TXNDC16: variants seen among roughly 807,000 people sequenced by gnomAD.
TXNDC16 encodes the protein thioredoxin domain-containing protein 16.
Under a neutral mutation model 85.6 loss-of-function variants are expected in TXNDC16, and 74 were observed. The ratio of observed to expected loss-of-function variants is 0.86; its 90% confidence interval spans 0.72 to 1.05. The LOEUF (loss-of-function observed/expected upper bound fraction) is 1.05. Ranked by LOEUF, TXNDC16 falls within the 50% of genes least tolerant of loss-of-function variation. The pLI is 0.00. For synonymous variants in TXNDC16, 335 were observed against 326.5 expected (o/e 1.03, Z -0.28); for missense variants, 959 against 947.0 (o/e 1.01, Z -0.17).
rs1035578281 is a variant in TXNDC16, at chr14:52,493,213, A to AT, written c.757-2209dup. Among the ~76,000 whole-genome samples the AT allele has an allele frequency of 2.6e-5, 3 of 113,394 alleles. 1 individual carries two copies. The highest frequency in any genetic ancestry group is 9.7e-5 in the African/African-American group (3 of 30,832). The allele number at this position is 113,394 out of a possible 152,430, so 74.4% of individuals were successfully genotyped here. A position where few individuals can be genotyped will look rare whatever the true frequency, so the allele number is the denominator to read the frequency against. On this transcript the variant is annotated intron_variant, in intron 9 of 20. Coordinates refer to ENST00000281741, the MANE Select transcript of TXNDC16 (RefSeq NM_020784.3). ...CTGTTCTATATATATATATATATAT[A>AT]TATACACACACACACACACACATAT... is the stretch of plus-strand genomic sequence containing the variant.
At chr14:52,457,265 C>T (rs2035556614) in intron 16 of TXNDC16, 91 bp from the exon 17 acceptor site, 1 of 640,366 alleles carries the variant, frequency 1.6e-6, no homozygotes, top group South Asian at 2.6e-5. Context: ...GGTAGTATTT[C>T]ATTATTAATT....
chr14:52,487,222 A>G (rs1274329322), intron 12 of TXNDC16, among the ~76,000 whole-genome samples: 1 of 152,176 alleles, frequency 6.6e-6, no homozygotes, highest in African/African-American at 2.4e-5. Context: ...CCCACTGAGA[A>G]CTCCAGAGAG....
chr14:52,506,890 C>T (rs1203681330), intron 9 of TXNDC16, among the ~76,000 whole-genome samples: 1 of 150,848 alleles, frequency 6.6e-6, no homozygotes, highest in Admixed American at 6.6e-5. Flanking sequence ...CTCTCAACAA[C>T]TTAGGTATTG....
chr14:52,439,063 C>A, intron 20 of TXNDC16, 141 bp downstream of exon 20: 1 of 864,878 alleles, frequency 1.2e-6, no homozygotes. Context: ...CACCTTTGGC[C>A]TCCCAGTCAG....
At chr14:52,439,461 C>A in intron 19 of TXNDC16, 67 bp from the exon 20 acceptor site, 1 of 1,409,160 alleles carries the variant, frequency 7.1e-7, no homozygotes, top group South Asian at 1.3e-5. Context: ...AATAGTAATT[C>A]GTAGAACATT....
intron 9 of TXNDC16, among the ~76,000 whole-genome samples, chr14:52,496,897 C>A (rs2036546247): frequency 6.6e-6 from 1 of 152,118 alleles, no homozygotes; most frequent in Non-Finnish European, 1.5e-5. Flanking sequence ...AGGCGGGAAC[C>A]ACTGCACGCA....
intron 9 of TXNDC16, among the ~76,000 whole-genome samples, chr14:52,508,996 G>T (rs1201135762): frequency 6.6e-6 from 1 of 152,074 alleles, no homozygotes; most frequent in Middle Eastern, 3.2e-3. Flanking sequence ...CATGGCACAT[G>T]TATATATATG....
chr14:52,540,959 G>A (rs1039978279), intron 4 of TXNDC16, among the ~76,000 whole-genome samples: 1 of 152,160 alleles, frequency 6.6e-6, no homozygotes, highest in Non-Finnish European at 1.5e-5. Flanking sequence ...TTTCAGGCCG[G>A]GTGCAGTGGC....
At chr14:52,441,017 G>T (rs2035152647) in intron 18 of TXNDC16, among the ~76,000 whole-genome samples, 1 of 152,112 alleles carries the variant, frequency 6.6e-6, no homozygotes, top group Non-Finnish European at 1.5e-5. Context: ...AATTTATTAT[G>T]CTAAAGTCTG....
In TXNDC16 at chr14:52,552,326, C is replaced by A. The variant is rs2038074413; in HGVS notation, c.-192G>T. 6.6e-6 allele frequency: 1 copy of A among 152,370 alleles called. No homozygotes were observed. The allele number at this position is 152,370 out of a possible 1,614,324, so 9.4% of individuals were successfully genotyped here. On this transcript the variant is annotated 5_prime_UTR_variant, in exon 1 of 21. Coordinates refer to ENST00000281741, the MANE Select transcript of TXNDC16 (RefSeq NM_020784.3). ...AGCGCTGTCACCTACCTGCCCGGGA[C>A]CTGCGGGCGGGGACCTGGGCCGTTC...
intron 16 of TXNDC16, among the ~76,000 whole-genome samples, chr14:52,466,852 G>GC (rs2140128041): frequency 6.6e-6 from 1 of 151,988 alleles, no homozygotes; most frequent in South Asian, 2.1e-4. Context: ...GGGTGACAGA[G>GC]CAAGACTCCA....
intron 3 of TXNDC16, among the ~76,000 whole-genome samples, chr14:52,542,756 C>A (rs907211000): frequency 6.6e-6 from 1 of 152,086 alleles, no homozygotes; most frequent in African/African-American, 2.4e-5. Context: ...ATACCATATA[C>A]ACAACACACA....
intron 2 of TXNDC16, among the ~76,000 whole-genome samples, chr14:52,543,866 G>C (rs1407123029): frequency 6.6e-6 from 1 of 152,106 alleles, no homozygotes; most frequent in Non-Finnish European, 1.5e-5. Flanking sequence ...CAATTTAGTA[G>C]AGTGTGTTAA....
intron 18 of TXNDC16, among the ~76,000 whole-genome samples, chr14:52,448,525 C>T (rs2035335798): frequency 6.6e-6 from 1 of 152,022 alleles, no homozygotes; most frequent in African/African-American, 2.4e-5. Context: ...ATCTGTCCTA[C>T]AAGAAATGCT....
intron 16 of TXNDC16, among the ~76,000 whole-genome samples, chr14:52,468,538 C>T (rs1331535323): frequency 6.6e-6 from 1 of 152,050 alleles, no homozygotes. Context: ...CCTTAATATA[C>T]AAAGGTCTCA....
In TXNDC16 at chr14:52,440,612, A is replaced by G. The variant is rs1382020161; in HGVS notation, c.1955T>C (p.Leu652Pro). 4 of 1,609,274 alleles carry G rather than the reference A, an allele frequency of 2.5e-6. No homozygotes were observed. Among genetic ancestry groups the G allele is most frequent in the Non-Finnish European group, 2.5e-6 (3 of 1,178,554 alleles). The change falls in exon 19 of 21, where the codon CTG (leucine) becomes CCG (proline). Residue 652 changes from leucine to proline, a missense_variant. Transcript: ENST00000281741. The part of the protein sequence containing the change: ...NPQYKKAILT[L>P]VKQKYLDSFT... Reference sequence around the variant, plus strand: ...TGAATCCAAGTATTTCTGCTTTACCAGTGTCAATATTGCTTTTTTATACTG... The same window carrying G: ...TGAATCCAAGTATTTCTGCTTTACCGGTGTCAATATTGCTTTTTTATACTG...
At chr14:52,465,953 A>C (rs2035763055) in intron 16 of TXNDC16, among the ~76,000 whole-genome samples, 2 of 152,218 alleles carry the variant, frequency 1.3e-5, no homozygotes, top group South Asian at 4.1e-4. Context: ...TATATACTAA[A>C]GCAAATATAA....
In TXNDC16 at chr14:52,512,434, C is replaced by T. The variant is rs192449243; in HGVS notation, c.606-1044G>A. Among the ~76,000 whole-genome samples, 16 of 152,102 alleles carry T rather than the reference C, an allele frequency of 1.1e-4. No homozygotes were observed. The East Asian group carries it at 2.9e-3, about 28-fold the overall frequency. ...TAAAAAACAAAAAGGGAGAGAATTCCCCCTCCAATAAGATAGGACAAATGA... is the reference window on the plus strand; with the variant it reads ...TAAAAAACAAAAAGGGAGAGAATTCTCCCTCCAATAAGATAGGACAAATGA... On this transcript the variant is annotated intron_variant, in intron 8 of 20. Coordinates refer to ENST00000281741, the MANE Select transcript of TXNDC16 (RefSeq NM_020784.3).
At chr14:52,446,553 GA>G (rs2035289594) in intron 18 of TXNDC16, among the ~76,000 whole-genome samples, 1 of 152,136 alleles carries the variant, frequency 6.6e-6, no homozygotes, top group Non-Finnish European at 1.5e-5. Flanking sequence ...AGAGCCAGCA[GA>G]CTATAGGCAC....
Sources: allele counts gnomAD v4.1 joint callset (sites outside exome capture counted in the v4.1 genomes callset), GRCh38; gene constraint gnomAD v4.1.1; transcripts MANE v1.5; gene names NCBI Gene and HGNC (gene_info 2026-07-23, HGNC 2026-07-21).